MBD5: variants seen among roughly 807,000 people sequenced by gnomAD.
MBD5 encodes methyl-CpG binding domain protein 5.
A neutral mutation model predicts 117.3 loss-of-function variants in MBD5; 13 were observed. That is an observed-to-expected ratio of 0.11 (90% CI 0.07 to 0.18). The LOEUF (loss-of-function observed/expected upper bound fraction) is 0.18, where lower values mean the gene tolerates loss of function less well. MBD5 is among the 10% of genes least tolerant of loss of function. The probability of loss-of-function intolerance (pLI) is 1.00; values close to 1 mark genes in which losing one functional copy is unlikely to be tolerated. For synonymous variants in MBD5, 727 were observed against 766.4 expected, an observed-to-expected ratio of 0.95 and a Z score of 0.85; for missense variants, 1,879 against 2,093.8, an observed-to-expected ratio of 0.90 and a Z score of 2.00.
chr2:148,258,885 G>A (rs1351415958), intron 3 of MBD5, among the ~76,000 whole-genome samples: 1 of 152,130 alleles, frequency 6.6e-6, no homozygotes, highest in African/African-American at 2.4e-5. Flanking sequence ...TCCTGCCAGT[G>A]GCCTTCTGCT....
At chr2:148,378,782 A>G (rs1489934391) in intron 4 of MBD5, among the ~76,000 whole-genome samples, 2 of 152,072 alleles carry the variant, frequency 1.3e-5, no homozygotes, top group African/African-American at 2.4e-5. Flanking sequence ...ATTTAATAAT[A>G]TATGTAGGAA....
chr2:148,392,268 A>T (rs948452987), intron 4 of MBD5, among the ~76,000 whole-genome samples: 1 of 152,134 alleles, frequency 6.6e-6, no homozygotes, highest in African/African-American at 2.4e-5. Context: ...ATGGTTTTTG[A>T]TTGGCTTTTA....
chr2:148,259,250 G>C (rs545331076), intron 3 of MBD5, among the ~76,000 whole-genome samples: 1 of 152,116 alleles, frequency 6.6e-6, no homozygotes, highest in Non-Finnish European at 1.5e-5. Flanking sequence ...TGCAACCAAC[G>C]TGCTGCATCC....
At chr2:148,474,786 A>T (rs1443000732) in intron 8 of MBD5, among the ~76,000 whole-genome samples, 1 of 152,194 alleles carries the variant, frequency 6.6e-6, no homozygotes, top group Admixed American at 6.6e-5. Flanking sequence ...ATTGAAACTC[A>T]GGACAGCCAT....
At chr2:148,220,777 A>T (rs753014384) in intron 2 of MBD5, among the ~76,000 whole-genome samples, 5 of 152,082 alleles carry the variant, frequency 3.3e-5, no homozygotes, top group Non-Finnish European at 7.4e-5. Flanking sequence ...TTTTTTTCTA[A>T]GACATCTTGT....
At chr2:148,346,363 TTATGA>T (rs1379142748) in intron 4 of MBD5, 1 of 152,018 alleles carries the variant, frequency 6.6e-6, no homozygotes, top group African/African-American at 2.4e-5. Flanking sequence ...AAATGCTAGA[TTATGA>T]TATATTCTTA....
chr2:148,411,556 G>T, intron 4 of MBD5, among the ~76,000 whole-genome samples: 1 of 109,424 alleles, frequency 9.1e-6, no homozygotes, highest in South Asian at 2.8e-4. Flanking sequence ...CATTCTGACT[G>T]ATATTAGATG....
chr2:148,448,278 T>C (rs1285684392), intron 4 of MBD5, among the ~76,000 whole-genome samples: 1 of 151,990 alleles, frequency 6.6e-6, no homozygotes, highest in Admixed American at 6.6e-5. Flanking sequence ...ATAATCTTCC[T>C]CCTCTTGTTT....
At chr2:148,200,833 T>C (rs191621727) in intron 2 of MBD5, among the ~76,000 whole-genome samples, 10 of 151,288 alleles carry the variant, frequency 6.6e-5, no homozygotes, top group Admixed American at 2.6e-4. Context: ...GAAGTTCTTC[T>C]GATCTAAATA....
intron 3 of MBD5, among the ~76,000 whole-genome samples, chr2:148,256,180 A>G (rs1303239688): frequency 6.6e-6 from 1 of 152,250 alleles, no homozygotes; most frequent in African/African-American, 2.4e-5. Context: ...GCCTGAGCAC[A>G]TGCCAGGCAT....
chr2:148,340,528 CG>C, intron 3 of MBD5, among the ~76,000 whole-genome samples: 1 of 151,906 alleles, frequency 6.6e-6, no homozygotes, highest in African/African-American at 2.4e-5. Context: ...AATTTCTTAG[CG>C]GTTTGGTACT....
At chr2:148,138,538 C>T (rs1354788132) in intron 1 of MBD5, among the ~76,000 whole-genome samples, 2 of 151,882 alleles carry the variant, frequency 1.3e-5, no homozygotes, top group East Asian at 1.9e-4. Flanking sequence ...AATGTCACCT[C>T]GGGAAAGATA....
chr2:148,073,918 G>T (rs1439237918), intron 1 of MBD5, among the ~76,000 whole-genome samples: 2 of 152,056 alleles, frequency 1.3e-5, no homozygotes, highest in African/African-American at 4.8e-5. Flanking sequence ...AGGTAAAACA[G>T]CATATCATGT....
At chr2:148,043,971 G>A (rs1226356634) in intron 1 of MBD5, among the ~76,000 whole-genome samples, 2 of 152,074 alleles carry the variant, frequency 1.3e-5, no homozygotes, top group East Asian at 3.8e-4. Flanking sequence ...AATTGAGGTC[G>A]GATCCAGTGT....
intron 1 of MBD5, among the ~76,000 whole-genome samples, chr2:148,096,988 T>TC: frequency 6.6e-6 from 1 of 152,178 alleles, no homozygotes; most frequent in African/African-American, 2.4e-5. Context: ...ATAGAAACAA[T>TC]CTTGCATCTG....
At position 148,130,520 on chromosome 2, in the gene MBD5, A is replaced by G. The variant is rs559764680; in HGVS notation, c.-924-48180A>G. 3.3e-5 allele frequency among the ~76,000 whole-genome samples: 5 copies of G among 151,264 alleles called. No individual in the cohort carries two copies. In the East Asian group the frequency reaches 5.9e-4, roughly 18 times the overall value. Reference sequence around the variant, plus strand: ...TTTTCACCAAGTATGAAACATTTGTATTGGATGGTCTAACAAAATACTGGC... The same window carrying G: ...TTTTCACCAAGTATGAAACATTTGTGTTGGATGGTCTAACAAAATACTGGC... On this transcript the variant is annotated intron_variant, in intron 1 of 13. Coordinates refer to ENST00000642680, the MANE Select transcript of MBD5 (RefSeq NM_001378120.1).
intron 3 of MBD5, among the ~76,000 whole-genome samples, chr2:148,319,658 G>A (rs1193828870): frequency 1.3e-5 from 2 of 152,166 alleles, no homozygotes. Context: ...TTTTGGTGGA[G>A]TCTTTAGAAT....
At chr2:148,180,375 T>TATATATATATATATATATATA (rs1553481839) in intron 2 of MBD5, among the ~76,000 whole-genome samples, 1 of 147,350 alleles carries the variant, frequency 6.8e-6, no homozygotes, top group Non-Finnish European at 1.5e-5. Context: ...TATATGTATC[T>TATATATATATATATATATATA]TTTACTTTAA....
At chr2:148,398,870 T>C (rs1424827150) in intron 4 of MBD5, among the ~76,000 whole-genome samples, 3 of 152,240 alleles carry the variant, frequency 2.0e-5, no homozygotes, top group South Asian at 2.1e-4. Flanking sequence ...TTTCTACATA[T>C]GGCTAGCCAG....
Sources: allele counts gnomAD v4.1 joint callset (sites outside exome capture counted in the v4.1 genomes callset), GRCh38; gene constraint gnomAD v4.1.1; transcripts MANE v1.5; gene names NCBI Gene and HGNC (gene_info 2026-07-23, HGNC 2026-07-21).